Variants in CNOT9 observed in about 807,000 individuals in gnomAD.
The protein encoded by CNOT9 is RCD1 required for cell differentiation1 homolog.
A neutral mutation model predicts 37.4 loss-of-function variants in CNOT9; 8 were observed. The observed-to-expected ratio is 0.21, with a 90% CI of 0.13 to 0.39. CNOT9 has a LOEUF of 0.39. Among genes scored for constraint, CNOT9 ranks in the 10% least tolerant of loss-of-function variants. The pLI is 1.00. For missense variants in CNOT9, 154 were observed against 365.3 expected (o/e 0.42, Z 4.71); for synonymous variants, 120 against 137.6 (o/e 0.87, Z 0.90).
chr2:218,581,170 CTTTTTTTTTT>C (rs5838702), intron 2 of CNOT9: 36 of 246,102 alleles, frequency 1.5e-4, no homozygotes, highest in South Asian at 1.3e-3. Context: ...GTTTGTTTTT[CTTTTTTTTTT>C]TTTTTTGAGA....
At chr2:218,584,543 G>T in intron 3 of CNOT9, 69 bp from the exon 4 acceptor site, 1 of 1,153,284 alleles carries the variant, frequency 8.7e-7, no homozygotes, top group Non-Finnish European at 1.3e-6. Context: ...TAACCACCTA[G>T]AAATTTGAAA....
Position 218,595,404 on chromosome 2 carries a change from C to CTTTTTTTTTTTTTTTTTTTTTTTTTTTTT in CNOT9, c.*1156_*1157insTTTTTTTTTTTTTTTTTTTTTTTTTTTTT, listed in dbSNP as rs57839540. The CTTTTTTTTTTTTTTTTTTTTTTTTTTTTT allele has an allele frequency of 6.3e-4, 32 of 50,940 alleles. 5 individuals are homozygous for CTTTTTTTTTTTTTTTTTTTTTTTTTTTTT. Among genetic ancestry groups the CTTTTTTTTTTTTTTTTTTTTTTTTTTTTT allele is most frequent in the Middle Eastern group, 0.019 (1 of 52 alleles). The allele number at this position is 50,940 out of a possible 1,614,324, so 3.2% of individuals were successfully genotyped here. A position where few individuals can be genotyped will look rare whatever the true frequency, so the allele number is the denominator to read the frequency against. On this transcript the variant is annotated 3_prime_UTR_variant, in exon 8 of 8. Transcript: ENST00000273064. ...GAGGGCTGGGTTCTGCTCACTCAGT[C>CTTTTTTTTTTTTTTTTTTTTTTTTTTTTT]TTTTTTTTTTTTTTTTTTTTTTTTT... is the stretch of plus-strand genomic sequence containing the variant.
At chr2:218,573,627 TTTTC>T (rs537965871) in intron 1 of CNOT9, 1,790 of 152,400 alleles carry the variant, frequency 0.012, 12 homozygotes, top group South Asian at 0.018. Context: ...AAGGAAATCA[TTTTC>T]TTTACCATTT....
rs773895303 is a variant in CNOT9, at chr2:218,584,666, T to C, written c.375T>C (p.Thr125=). The change falls in exon 4 of 8, where the codon ACT becomes ACC. Residue 125 remains threonine (T), a synonymous_variant. Transcript: ENST00000273064. ...IPLFLYPFLH[T]VSKTRPFEYL... is the part of the protein sequence containing the mutation. ...TTTTTTTGTACCCCTTTTTGCACACTGTCAGCAAAACACGTCCCTTTGAGT... is the reference window on the plus strand; with the variant it reads ...TTTTTTTGTACCCCTTTTTGCACACCGTCAGCAAAACACGTCCCTTTGAGT... The C allele has an allele frequency of 7.4e-6, 12 of 1,613,966 alleles. No homozygotes were observed. The highest frequency in any genetic ancestry group is 4.0e-5 in the African/African-American group (3 of 74,948).
At chr2:218,582,507 G>A (rs1328450616) in intron 2 of CNOT9, among the ~76,000 whole-genome samples, 1 of 152,104 alleles carries the variant, frequency 6.6e-6, no homozygotes, top group Non-Finnish European at 1.5e-5. Context: ...TGGCTAACAC[G>A]GTGAAACCCC....
At chr2:218,575,913 T>C (rs180880724) in intron 1 of CNOT9, among the ~76,000 whole-genome samples, 1 of 152,286 alleles carries the variant, frequency 6.6e-6, no homozygotes, top group African/African-American at 2.4e-5. Flanking sequence ...AAATTAAAAA[T>C]TCAAAGAGTT....
rs948311063 is a variant in CNOT9 at position 218,584,780 on chromosome 2, G to A, written c.430+59G>A. The A allele has an allele frequency of 8.8e-6, 11 of 1,243,932 alleles. No individual in the cohort carries two copies. The African/African-American group carries it at 1.5e-4, about 17-fold the overall frequency. 77.1% of individuals were successfully genotyped at this position (1,243,932 alleles called of 1,614,324 possible). A position where few individuals can be genotyped will look rare whatever the true frequency, so the allele number is the denominator to read the frequency against. ...TACTCACAGTAGTAGTCTAAGTTGG[G>A]TGTTTTGTCTTGCCGGTTATGATTT... On this transcript the variant is annotated intron_variant, in intron 4 of 7. Coordinates refer to ENST00000273064, the MANE Select transcript of CNOT9 (RefSeq NM_005444.3).
intron 4 of CNOT9, among the ~76,000 whole-genome samples, chr2:218,585,741 C>T (rs1037188379): frequency 1.3e-5 from 2 of 151,434 alleles, no homozygotes; most frequent in Non-Finnish European, 1.5e-5. Context: ...TGGGATCACA[C>T]AAATCCACCC....
At chr2:218,572,983 A>G (rs969230958) in intron 1 of CNOT9, among the ~76,000 whole-genome samples, 4 of 152,160 alleles carry the variant, frequency 2.6e-5, no homozygotes, top group African/African-American at 9.7e-5. Flanking sequence ...TGCCTAACTT[A>G]TCTTTCCTTA....
chr2:218,569,017 T>G, intron 1 of CNOT9, 39 bp downstream of exon 1: 1 of 1,608,798 alleles, frequency 6.2e-7, no homozygotes, highest in Non-Finnish European at 8.5e-7. Context: ...CCAGAATCCT[T>G]TCTCAGACCC....
At chr2:218,579,082 G>T (rs1243660894) in intron 1 of CNOT9, among the ~76,000 whole-genome samples, 2 of 151,964 alleles carry the variant, frequency 1.3e-5, no homozygotes, top group East Asian at 3.9e-4. Flanking sequence ...CACTGGGGAG[G>T]GACCAGTATT....
chr2:218,578,365 T>C (rs1694242906), intron 1 of CNOT9, among the ~76,000 whole-genome samples: 1 of 152,256 alleles, frequency 6.6e-6, no homozygotes, highest in Non-Finnish European at 1.5e-5. Flanking sequence ...AAGGCCATTA[T>C]TCAGATTGGG....
Position 218,594,278 on chromosome 2 carries a change from C to A in CNOT9, c.*2C>A. The A allele has an allele frequency of 6.2e-7, 1 of 1,603,970 alleles. No homozygotes were observed. The highest frequency in any genetic ancestry group is 8.5e-7 in the Non-Finnish European group (1 of 1,174,748). The stretch of plus-strand genomic sequence containing the variant: ...GGTATCCCCCTGCCCCCTCAGTGAT[C>A]CTTCCCTGTTCCCTCCCACTACTCC... On this transcript the variant is annotated 3_prime_UTR_variant, in exon 8 of 8. Transcript: ENST00000273064.
At chr2:218,573,145 C>A (rs953353200) in intron 1 of CNOT9, among the ~76,000 whole-genome samples, 1 of 151,892 alleles carries the variant, frequency 6.6e-6, no homozygotes, top group Non-Finnish European at 1.5e-5. Context: ...TAGTGAAACC[C>A]CGTCTTTGCT....
intron 5 of CNOT9, among the ~76,000 whole-genome samples, chr2:218,588,478 G>A (rs1689436041): frequency 6.7e-6 from 1 of 150,028 alleles, no homozygotes; most frequent in African/African-American, 2.5e-5. Context: ...TAGTAGAAAT[G>A]GGGTTTCACT....
Position 218,595,382 on chromosome 2 carries a change from G to A in CNOT9, c.*1106G>A, listed in dbSNP as rs1433025138. The A allele has an allele frequency of 6.9e-6, 1 of 145,294 alleles. No individual in the cohort carries two copies. The highest frequency in any genetic ancestry group is 2.6e-5 in the African/African-American group (1 of 38,858). 9.0% of individuals were successfully genotyped at this position (145,294 alleles called of 1,614,324 possible). On this transcript the variant is annotated 3_prime_UTR_variant, in exon 8 of 8. Coordinates refer to ENST00000273064, the MANE Select transcript of CNOT9 (RefSeq NM_005444.3). ...AATTTTATTCAGATTGAAGATGGAG[G>A]GCTGGGTTCTGCTCACTCAGTCTTT...
In CNOT9 at chr2:218,596,246, A is replaced by G. The variant is rs1694923137; in HGVS notation, c.*1970A>G. 1.3e-5 allele frequency: 2 copies of G among 152,068 alleles called. No homozygotes were observed. Among genetic ancestry groups the G allele is most frequent in the African/African-American group, 2.4e-5 (1 of 41,382 alleles). The allele number at this position is 152,068 out of a possible 1,614,324, so 9.4% of individuals were successfully genotyped here. A position where few individuals can be genotyped will look rare whatever the true frequency, so the allele number is the denominator to read the frequency against. On this transcript the variant is annotated 3_prime_UTR_variant, in exon 8 of 8. Transcript: ENST00000273064. ...GCCAAAGTGTCTTAATTCTTGTCCC[A>G]TCTATTCTCAGCTGGCCTTGGAACC...
intron 5 of CNOT9, among the ~76,000 whole-genome samples, chr2:218,588,550 A>G (rs554464920): frequency 1.4e-5 from 2 of 141,044 alleles, no homozygotes; most frequent in Non-Finnish European, 3.0e-5. Flanking sequence ...CAGCCTCCCA[A>G]AGTGCTGGGT....
intron 1 of CNOT9, chr2:218,574,057 C>T (rs1055257591): frequency 2.3e-6 from 1 of 429,976 alleles, no homozygotes; most frequent in Non-Finnish European, 4.7e-6. Flanking sequence ...GCAACCTCGA[C>T]CTTCTGGGTT....
Sources: allele counts gnomAD v4.1 joint callset (sites outside exome capture counted in the v4.1 genomes callset), GRCh38; gene constraint gnomAD v4.1.1; transcripts MANE v1.5; gene names NCBI Gene and HGNC (gene_info 2026-07-23, HGNC 2026-07-21).